SRGAP2: variants seen among roughly 807,000 people sequenced by gnomAD.
The protein encoded by SRGAP2 is SLIT-ROBO Rho GTPase activating protein 2.
Under a neutral mutation model 57.2 loss-of-function variants are expected in SRGAP2, and 15 were observed. The observed-to-expected ratio is 0.26, with a 90% CI of 0.18 to 0.40. The LOEUF (loss-of-function observed/expected upper bound fraction) is 0.40, where lower values mean the gene tolerates loss of function less well. SRGAP2 is among the 10% of genes least tolerant of loss of function. The pLI, the probability that SRGAP2 is intolerant of heterozygous loss-of-function variation, is 1.00. For missense variants in SRGAP2, 520 were observed against 669.6 expected, an observed-to-expected ratio of 0.78 and a Z score of 2.47; for synonymous variants, 249 against 248.0, an observed-to-expected ratio of 1.00 and a Z score of -0.04.
At chr1:206,240,099 A>G (rs1364375153) in intron 2 of SRGAP2, among the ~76,000 whole-genome samples, 2 of 151,952 alleles carry the variant, frequency 1.3e-5, no homozygotes, top group African/African-American at 2.4e-5. Context: ...CCTTGTCTCT[A>G]CTAAAAATAC....
chr1:206,417,798 C>T (rs1186734036), intron 11 of SRGAP2, among the ~76,000 whole-genome samples: 1 of 151,844 alleles, frequency 6.6e-6, no homozygotes, highest in Non-Finnish European at 1.5e-5. Flanking sequence ...TCCTCACCAC[C>T]GAAAGGACTC....
At chr1:206,372,982 TTTCTTTCTTTC>T (rs1654791960) in intron 4 of SRGAP2, among the ~76,000 whole-genome samples, 1 of 96,804 alleles carries the variant, frequency 1.0e-5, no homozygotes, top group African/African-American at 4.5e-5. Flanking sequence ...TCTTTCTTTC[TTTCTTTCTTTC>T]TTTCTTTCTT....
At chr1:206,276,824 C>T (rs1441682855) in intron 2 of SRGAP2, among the ~76,000 whole-genome samples, 8 of 152,146 alleles carry the variant, frequency 5.3e-5, no homozygotes, top group South Asian at 2.1e-4. Context: ...GTGCCCTTCC[C>T]ACAGGGAAGC....
intron 17 of SRGAP2, among the ~76,000 whole-genome samples, chr1:206,441,900 A>T (rs1662342226): frequency 6.6e-6 from 1 of 152,208 alleles, no homozygotes; most frequent in Non-Finnish European, 1.5e-5. Context: ...TGTGGTTTTC[A>T]TAGAGAACAA....
At chr1:206,445,053 A>T (rs566520477) in intron 17 of SRGAP2, among the ~76,000 whole-genome samples, 1 of 152,372 alleles carries the variant, frequency 6.6e-6, no homozygotes, top group African/African-American at 2.4e-5. Flanking sequence ...TCTGAAGAAC[A>T]GCTACTCAGA....
At chr1:206,458,239 T>G (rs1288023725) in intron 21 of SRGAP2, 18 of 423,142 alleles carry the variant, frequency 4.3e-5, no homozygotes, top group Non-Finnish European at 4.7e-5. Context: ...TCTTGACCTC[T>G]TTGGTGATGG....
At chr1:206,258,325 A>C (rs1296685918) in intron 2 of SRGAP2, among the ~76,000 whole-genome samples, 1 of 152,252 alleles carries the variant, frequency 6.6e-6, no homozygotes, top group Admixed American at 6.5e-5. Flanking sequence ...CATATGGCCC[A>C]GAAGCCTAAA....
At chr1:206,435,411 A>G (rs570207542) in intron 14 of SRGAP2, among the ~76,000 whole-genome samples, 1 of 152,326 alleles carries the variant, frequency 6.6e-6, no homozygotes, top group African/African-American at 2.4e-5. Context: ...AATGCTTAAG[A>G]TTGAGACCCA....
intron 11 of SRGAP2, 128 bp downstream of exon 11, chr1:206,416,101 C>T (rs1173857503): frequency 6.6e-6 from 4 of 610,082 alleles, no homozygotes; most frequent in Non-Finnish European, 1.2e-5. Flanking sequence ...CTTTTCTTGG[C>T]TTGTTGGATG....
chr1:206,229,931 T>TAC (rs66901207), intron 2 of SRGAP2, among the ~76,000 whole-genome samples: 24,807 of 141,612 alleles, frequency 0.18, 2,122 homozygotes, highest in East Asian at 0.28. Context: ...TACACATACA[T>TAC]ACACACACAC....
At chr1:206,415,808 G>C in intron 10 of SRGAP2, 81 bp from the exon 11 acceptor site, 1 of 712,126 alleles carries the variant, frequency 1.4e-6, no homozygotes, top group Non-Finnish European at 2.6e-6. Context: ...CTATATAGGG[G>C]AATTGTCCAG....
chr1:206,267,114 G>A (rs1327228407), intron 2 of SRGAP2, among the ~76,000 whole-genome samples: 9 of 151,656 alleles, frequency 5.9e-5, no homozygotes, highest in African/African-American at 1.9e-4. Flanking sequence ...GACTACAGGC[G>A]CCCACCACCA....
rs1665860680 is a variant in SRGAP2 at position 206,205,744 on chromosome 1, C to G, written c.-227C>G. The G allele has an allele frequency of 3.3e-6, 2 of 601,488 alleles. No individual in the cohort carries two copies. The highest frequency in any genetic ancestry group is 3.8e-5 in the African/African-American group (2 of 53,206). The allele number at this position is 601,488 out of a possible 1,614,324, so 37.3% of individuals were successfully genotyped here. On this transcript the variant is annotated 5_prime_UTR_variant, in exon 2 of 23. Coordinates refer to ENST00000573034, the MANE Select transcript of SRGAP2 (RefSeq NM_015326.5). ...TGAGGCTGCGGCTCCGGCTCTAGCA[C>G]AGGCACCAGCCGCCGCCGCACCCGG...
intron 4 of SRGAP2, among the ~76,000 whole-genome samples, chr1:206,367,132 C>T (rs1378198083): frequency 4.1e-4 from 62 of 152,280 alleles, no homozygotes; most frequent in East Asian, 3.3e-3. Context: ...AATATTCTAG[C>T]AGCTTATTTT....
At chr1:206,355,862 G>A (rs199805752) in intron 4 of SRGAP2, among the ~76,000 whole-genome samples, 1 of 152,162 alleles carries the variant, frequency 6.6e-6, no homozygotes, top group East Asian at 1.9e-4. Context: ...AGCTACTCAG[G>A]AGGCTTAGGG....
intron 15 of SRGAP2, 79 bp from the exon 16 acceptor site, chr1:206,437,885 C>A: frequency 1.3e-6 from 1 of 758,858 alleles, no homozygotes; most frequent in Non-Finnish European, 2.5e-6. Flanking sequence ...ATGCATGGTT[C>A]ACCCCTTCCC....
chr1:206,231,866 T>C (rs1270021832), intron 2 of SRGAP2, among the ~76,000 whole-genome samples: 6 of 152,072 alleles, frequency 3.9e-5, no homozygotes, highest in Non-Finnish European at 8.8e-5. Flanking sequence ...AATGAAATTG[T>C]TGGAGTAGAT....
At chr1:206,445,332 G>T (rs1662662427) in intron 17 of SRGAP2, among the ~76,000 whole-genome samples, 1 of 152,238 alleles carries the variant, frequency 6.6e-6, no homozygotes. Flanking sequence ...TGGCTGAGAA[G>T]GGGAGAGTTC....
chr1:206,432,444 C>G (rs1024536166), intron 14 of SRGAP2, among the ~76,000 whole-genome samples: 2 of 152,182 alleles, frequency 1.3e-5, no homozygotes, highest in Middle Eastern at 3.2e-3. Context: ...GAAGTTACAT[C>G]TCCAACAATA....
Sources: allele counts gnomAD v4.1 joint callset (sites outside exome capture counted in the v4.1 genomes callset), GRCh38; gene constraint gnomAD v4.1.1; transcripts MANE v1.5; gene names NCBI Gene and HGNC (gene_info 2026-07-23, HGNC 2026-07-21).